Variants in TRPV3 observed in about 807,000 individuals in gnomAD.
TRPV3 encodes transient receptor potential cation channel subfamily V member 3.
Under a neutral mutation model 87.1 loss-of-function variants are expected in TRPV3, and 88 were observed. The observed-to-expected ratio is 1.01, with a 90% CI of 0.85 to 1.21. The LOEUF (loss-of-function observed/expected upper bound fraction) is 1.21. TRPV3 is among the 50% of genes most tolerant of loss of function. The pLI is 0.00. For missense variants in TRPV3, 1,054 were observed against 1,030.1 expected (o/e 1.02, Z -0.32); for synonymous variants, 438 against 423.3 (o/e 1.03, Z -0.43).
At position 3,557,599 on chromosome 17, in the gene TRPV3, A is replaced by C. The variant is rs1236210102; in HGVS notation, c.-3+77T>G. The C allele has an allele frequency of 6.6e-6, 1 of 152,190 alleles. No homozygotes were observed. Among genetic ancestry groups the C allele is most frequent in the Non-Finnish European group, 1.5e-5 (1 of 68,070 alleles). 9.4% of individuals were successfully genotyped at this position (152,190 alleles called of 1,614,324 possible). On this transcript the variant is annotated intron_variant, in intron 1 of 17. Coordinates refer to ENST00000576742, the MANE Select transcript of TRPV3 (RefSeq NM_145068.4). This position sits in a 1 kb window ranked among gnomAD's most constrained non-coding sequence, Gnocchi z 4.5. ...TTGGCCAAGGGCAGACATGGCCCAG[A>C]GGACCTCTGAGGGCCACGCTCTGGG... is the stretch of plus-strand genomic sequence containing the variant.
chr17:3,513,782 G>T lies in TRPV3; in HGVS notation c.*135C>A. On this transcript the variant is annotated 3_prime_UTR_variant, in exon 18 of 18. Coordinates refer to ENST00000576742, the MANE Select transcript of TRPV3 (RefSeq NM_145068.4). ...TCAGTTCAGACACCCACTGAGCACT[G>T]AGCACGAGGGTGCACTCTGCTTCTA... The T allele has an allele frequency of 1.4e-6, 1 of 700,954 alleles. No homozygotes were observed. The highest frequency in any genetic ancestry group is 1.8e-5 in the South Asian group (1 of 54,330). The allele number at this position is 700,954 out of a possible 1,614,324, so 43.4% of individuals were successfully genotyped here.
intron 6 of TRPV3, among the ~76,000 whole-genome samples, chr17:3,541,195 G>A (rs1353802877): frequency 6.6e-6 from 1 of 152,036 alleles, no homozygotes; most frequent in Non-Finnish European, 1.5e-5. Context: ...GTGAAACCCC[G>A]TCTCTACTAA....
At chr17:3,545,653 G>A (rs544357203) in intron 2 of TRPV3, among the ~76,000 whole-genome samples, 7 of 151,958 alleles carry the variant, frequency 4.6e-5, no homozygotes, top group Admixed American at 3.9e-4. Flanking sequence ...ATATTTAAAG[G>A]TGAAAAGTGG....
Position 3,556,158 on chromosome 17 carries a change from C to A in TRPV3, c.-2-1306G>T, listed in dbSNP as rs537206368. 0.011 allele frequency among the ~76,000 whole-genome samples: 1,615 copies of A among 143,288 alleles called. 29 individuals are homozygous for A. The highest frequency in any genetic ancestry group is 0.038 in the African/African-American group (1,490 of 38,796). The allele number at this position is 143,288 out of a possible 152,430, so 94.0% of individuals were successfully genotyped here. A position where few individuals can be genotyped will look rare whatever the true frequency, so the allele number is the denominator to read the frequency against. ...TGCCACTGCACTCCAGCCTGGGCGA[C>A]AGAGCGAGACTCCGTCTCAAAAAAA... On this transcript the variant is annotated intron_variant, in intron 1 of 17. Coordinates refer to ENST00000576742, the MANE Select transcript of TRPV3 (RefSeq NM_145068.4). The surrounding 1 kb of genome is among the most constrained non-coding windows in gnomAD (Gnocchi z 4.2).
At position 3,529,429 on chromosome 17, in the gene TRPV3, C is replaced by T. The variant is rs2074329145; in HGVS notation, c.1243-434G>A. On this transcript the variant is annotated intron_variant, in intron 9 of 17. Transcript: ENST00000576742. The stretch of plus-strand genomic sequence containing the variant: ...TGTGAGGGTCTGGGAAGACCCAAGG[C>T]AAGGGGACTCTGGGAAGCATGACTC... Among the ~76,000 whole-genome samples, 3 of 152,202 alleles carry T rather than the reference C, an allele frequency of 2.0e-5. No individual in the cohort carries two copies. In the South Asian group the frequency reaches 6.2e-4, roughly 32 times the overall value.
chr17:3,516,431 C>A, intron 16 of TRPV3, 26 bp downstream of exon 16: 1 of 1,593,252 alleles, frequency 6.3e-7, no homozygotes. Flanking sequence ...AAGACCACCA[C>A]CCCAGGGCCC....
chr17:3,546,984 G>A lies in TRPV3; in HGVS notation c.120-1713C>T, dbSNP rs147335660. ...CTCCTTCTCAAAAAAAAAAAACTGGGTCTGGGTGACTCTCCTTGCTAGAAA... is the reference window on the plus strand; with the variant it reads ...CTCCTTCTCAAAAAAAAAAAACTGGATCTGGGTGACTCTCCTTGCTAGAAA... On this transcript the variant is annotated intron_variant, in intron 2 of 17. Transcript: ENST00000576742. 2.7e-3 allele frequency among the ~76,000 whole-genome samples: 247 copies of A among 91,646 alleles called. 1 individual carries two copies. The highest frequency in any genetic ancestry group is 0.013 in the African/African-American group (237 of 17,768). The allele number at this position is 91,646 out of a possible 152,430, so 60.1% of individuals were successfully genotyped here.
chr17:3,535,484 C>A, intron 7 of TRPV3, 89 bp downstream of exon 7: 1 of 1,362,786 alleles, frequency 7.3e-7, no homozygotes, highest in South Asian at 1.7e-5. Context: ...CCCCTCCTCC[C>A]TTCTTCCCTC....
chr17:3,519,958 A>G (rs2074231301), intron 14 of TRPV3, among the ~76,000 whole-genome samples: 1 of 135,238 alleles, frequency 7.4e-6, no homozygotes, highest in Non-Finnish European at 1.6e-5. Context: ...CAATGGATGG[A>G]TCGATGGATG....
chr17:3,546,014 A>G (rs1480648578), intron 2 of TRPV3, among the ~76,000 whole-genome samples: 7 of 150,816 alleles, frequency 4.6e-5, no homozygotes, highest in Admixed American at 1.3e-4. Flanking sequence ...AAAAGAAAGA[A>G]AACAGGGAGC....
At chr17:3,548,882 G>A (rs4790516) in intron 2 of TRPV3, among the ~76,000 whole-genome samples, 30,540 of 152,050 alleles carry the variant, frequency 0.2, 3,687 homozygotes, top group East Asian at 0.45. Flanking sequence ...TGATGGTTGG[G>A]CCAGATGATC....
At chr17:3,552,016 G>T (rs1419398243) in intron 2 of TRPV3, among the ~76,000 whole-genome samples, 1 of 149,164 alleles carries the variant, frequency 6.7e-6, no homozygotes, top group African/African-American at 2.5e-5. Context: ...CCAAGTAGCT[G>T]GGATTACAGG....
chr17:3,531,509 G>T (rs2074348984), intron 8 of TRPV3, among the ~76,000 whole-genome samples: 1 of 152,204 alleles, frequency 6.6e-6, no homozygotes, highest in African/African-American at 2.4e-5. Context: ...AACAGAGGAG[G>T]GAAGCGGGAG....
Position 3,513,820 on chromosome 17 carries a change from C to A in TRPV3, c.*97G>T. On this transcript the variant is annotated 3_prime_UTR_variant, in exon 18 of 18. Transcript: ENST00000576742. ...CACTCTGCTTCTAGGCCAGCAGAGC[C>A]GGACTCCACCATCCCTCAAAGCCTC... 9.6e-7 allele frequency: 1 copy of A among 1,045,872 alleles called. No individual in the cohort carries two copies. Among genetic ancestry groups the A allele is most frequent in the Non-Finnish European group, 1.5e-6 (1 of 684,954 alleles). The allele number at this position is 1,045,872 out of a possible 1,614,324, so 64.8% of individuals were successfully genotyped here. A position where few individuals can be genotyped will look rare whatever the true frequency, so the allele number is the denominator to read the frequency against.
chr17:3,514,689 C>G lies in TRPV3; in HGVS notation c.2199-17G>C, dbSNP rs201228417. 41 of 1,585,800 alleles carry G rather than the reference C, an allele frequency of 2.6e-5. No homozygotes were observed. The East Asian group carries it at 8.5e-4, about 33-fold the overall frequency. ...TCATTGATCCTGCAAATGTGATAAT[C>G]ATTCTTACTATTTCACCAGTGCCTC... On this transcript the variant is annotated splice_polypyrimidine_tract_variant and intron_variant, in intron 16 of 17. Coordinates refer to ENST00000576742, the MANE Select transcript of TRPV3 (RefSeq NM_145068.4).
At chr17:3,534,116 C>A (rs1433389422) in intron 7 of TRPV3, among the ~76,000 whole-genome samples, 1 of 152,134 alleles carries the variant, frequency 6.6e-6, no homozygotes, top group African/African-American at 2.4e-5. Flanking sequence ...ACAAATGCTT[C>A]CCAACACCAG....
Position 3,513,816 on chromosome 17 carries a change from G to A in TRPV3, c.*101C>T. 3 of 1,013,266 alleles carry A rather than the reference G, an allele frequency of 3.0e-6. No individual in the cohort carries two copies. Among genetic ancestry groups the A allele is most frequent in the South Asian group, 1.4e-5 (1 of 71,726 alleles). The allele number at this position is 1,013,266 out of a possible 1,614,324, so 62.8% of individuals were successfully genotyped here. ...GGTGCACTCTGCTTCTAGGCCAGCAGAGCCGGACTCCACCATCCCTCAAAG... is the reference window on the plus strand; with the variant it reads ...GGTGCACTCTGCTTCTAGGCCAGCAAAGCCGGACTCCACCATCCCTCAAAG... On this transcript the variant is annotated 3_prime_UTR_variant, in exon 18 of 18. Coordinates refer to ENST00000576742, the MANE Select transcript of TRPV3 (RefSeq NM_145068.4).
chr17:3,541,261 G>C (rs2074457226), intron 6 of TRPV3, among the ~76,000 whole-genome samples: 1 of 152,158 alleles, frequency 6.6e-6, no homozygotes, highest in Admixed American at 6.5e-5. Flanking sequence ...CCAGTTACTT[G>C]GGAGGCTGAG....
At position 3,532,690 on chromosome 17, in the gene TRPV3, C is replaced by T. The variant is rs764246474; in HGVS notation, c.1032G>A (p.Pro344=). 4.2e-5 allele frequency: 68 copies of T among 1,614,102 alleles called. No individual in the cohort carries two copies. In the Admixed American group the frequency reaches 9.8e-4, roughly 23 times the overall value. ...TGCCCATCTTGGCGGCCAGCTGCAG[C>T]GGCGTGAGGCCATCGTTGTTGCGAG... ...ETTRNNDGLT[P]LQLAAKMGKA... Residue 344 remains proline (P), a synonymous_variant, in exon 8 of 18, where the codon CCG becomes CCA. Transcript: ENST00000576742.
Sources: gnomAD v4.1 joint callset for allele counts (sites outside exome capture counted in the v4.1 genomes callset) on GRCh38, gnomAD v4.1.1 for gene constraint, Gnocchi (gnomAD v3.1) non-coding constraint, MANE v1.5 for transcripts, NCBI Gene and HGNC (gene_info 2026-07-23, HGNC 2026-07-21) for gene names.